The following ASAP1 variants were observed in gnomAD, a reference collection of about 807,000 sequenced individuals.
ASAP1 encodes arf-GAP with SH3 domain, ANK repeat and PH domain-containing protein 1.
Under a neutral mutation model 145.2 loss-of-function variants are expected in ASAP1, and 43 were observed. That is an observed-to-expected ratio of 0.30 (90% confidence interval 0.23 to 0.38). The LOEUF (loss-of-function observed/expected upper bound fraction) is 0.38. Ranked by LOEUF, ASAP1 falls within the 10% of genes least tolerant of loss-of-function variation. ASAP1 has a pLI of 1.00. For synonymous variants in ASAP1, 546 were observed against 515.5 expected, an observed-to-expected ratio of 1.06 and a Z score of -0.80; for missense variants, 1,018 against 1,355.3, an observed-to-expected ratio of 0.75 and a Z score of 3.91.
At position 130,118,247 on chromosome 8, in the gene ASAP1, C is replaced by T; in HGVS notation, c.1795-1G>A. On this transcript the variant is annotated splice_acceptor_variant, in intron 19 of 29. Transcript: ENST00000518721. LOFTEE classifies it high-confidence loss of function. The stretch of plus-strand genomic sequence containing the variant: ...GGTGAAGGGCTGTCTCCCCAAGCTC[C>T]TAAAAAGGGAAAGAAAAGTATAAGT... 6.2e-7 allele frequency: 1 copy of T among 1,613,432 alleles called. No homozygotes were observed. Among genetic ancestry groups the T allele is most frequent in the Non-Finnish European group, 8.5e-7 (1 of 1,179,668 alleles).
At chr8:130,135,088 A>G (rs2135803529) in intron 14 of ASAP1, among the ~76,000 whole-genome samples, 1 of 152,312 alleles carries the variant, frequency 6.6e-6, no homozygotes, top group South Asian at 2.1e-4. Flanking sequence ...GCTCTTTCTC[A>G]ATATATTCAG....
chr8:130,281,290 C>G (rs930552724), intron 3 of ASAP1, among the ~76,000 whole-genome samples: 3 of 152,180 alleles, frequency 2.0e-5, no homozygotes, highest in African/African-American at 7.2e-5. Flanking sequence ...AACAATGTTT[C>G]CCTATCACTT....
chr8:130,098,189 G>GC (rs2135469831), intron 24 of ASAP1, among the ~76,000 whole-genome samples: 1 of 152,304 alleles, frequency 6.6e-6, no homozygotes, highest in Non-Finnish European at 1.5e-5. Flanking sequence ...CAAATGAGCA[G>GC]CTACGTCCAG....
intron 2 of ASAP1, among the ~76,000 whole-genome samples, chr8:130,382,273 G>A (rs1156621443): frequency 5.8e-5 from 7 of 120,472 alleles, no homozygotes; most frequent in South Asian, 2.8e-4. Flanking sequence ...GTGACAGAGC[G>A]AGATTCTGTC....
rs1586429310 is a variant in ASAP1, at chr8:130,143,453, C to T, written c.1081-6415G>A. Among the ~76,000 whole-genome samples, 4 of 148,646 alleles carry T rather than the reference C, an allele frequency of 2.7e-5. No homozygotes were observed. The South Asian group carries it at 8.6e-4, about 32-fold the overall frequency. On this transcript the variant is annotated intron_variant, in intron 13 of 29. Transcript: ENST00000518721. ...CATATGTTGGTTCAACTTGTATATA[C>T]TATTTTGTAAACTGTTTTTCCCAAT...
At chr8:130,277,862 G>C (rs1821007416) in intron 3 of ASAP1, among the ~76,000 whole-genome samples, 1 of 152,182 alleles carries the variant, frequency 6.6e-6, no homozygotes, top group African/African-American at 2.4e-5. Context: ...GGACGTAGCA[G>C]GACAGTTTTC....
intron 3 of ASAP1, among the ~76,000 whole-genome samples, chr8:130,341,865 G>T (rs775014050): frequency 6.6e-6 from 1 of 152,130 alleles, no homozygotes. Context: ...AGCAAGAAAC[G>T]AGAGTCAAAC....
At chr8:130,211,423 A>C (rs1816573332) in intron 5 of ASAP1, among the ~76,000 whole-genome samples, 1 of 152,246 alleles carries the variant, frequency 6.6e-6, no homozygotes, top group African/African-American at 2.4e-5. Flanking sequence ...CAGACAGTTC[A>C]GAAAAAGGAA....
intron 1 of ASAP1, among the ~76,000 whole-genome samples, chr8:130,413,250 G>A (rs1273116665): frequency 2.0e-5 from 3 of 152,148 alleles, no homozygotes; most frequent in Non-Finnish European, 4.4e-5. Context: ...TTCCCTTCTA[G>A]TTTTAGAACT....
At chr8:130,333,348 T>G (rs914194610) in intron 3 of ASAP1, among the ~76,000 whole-genome samples, 3 of 152,180 alleles carry the variant, frequency 2.0e-5, no homozygotes, top group Admixed American at 6.5e-5. Flanking sequence ...ACGCCTGTCA[T>G]CCCAGCACTT....
At chr8:130,135,704 C>T (rs751209699) in intron 14 of ASAP1, among the ~76,000 whole-genome samples, 2 of 152,146 alleles carry the variant, frequency 1.3e-5, no homozygotes, top group African/African-American at 2.4e-5. Flanking sequence ...TATAAGGCAC[C>T]TGGCATGTAA....
At chr8:130,321,313 C>A in intron 3 of ASAP1, among the ~76,000 whole-genome samples, 1 of 152,062 alleles carries the variant, frequency 6.6e-6, no homozygotes, top group Non-Finnish European at 1.5e-5. Flanking sequence ...CAACTGATTT[C>A]AAATTCGGCT....
At chr8:130,117,723 C>T (rs78834430) in intron 20 of ASAP1, among the ~76,000 whole-genome samples, 2,449 of 152,310 alleles carry the variant, frequency 0.016, 19 homozygotes, top group Middle Eastern at 0.054. Context: ...TGAAAACTCA[C>T]AAATATGGTT....
intron 11 of ASAP1, among the ~76,000 whole-genome samples, chr8:130,164,865 A>G (rs961227128): frequency 6.6e-6 from 1 of 152,212 alleles, no homozygotes; most frequent in Non-Finnish European, 1.5e-5. Context: ...TTCCTCAGTT[A>G]ATCTTTAAGA....
chr8:130,284,435 T>C (rs1395148704), intron 3 of ASAP1, among the ~76,000 whole-genome samples: 3 of 152,116 alleles, frequency 2.0e-5, no homozygotes, highest in East Asian at 1.9e-4. Context: ...AGTCAAATTG[T>C]AGTAACTCAA....
At chr8:130,357,975 G>A (rs1826440895) in intron 3 of ASAP1, 42 bp downstream of exon 3, 2 of 1,571,870 alleles carry the variant, frequency 1.3e-6, no homozygotes, top group Admixed American at 1.8e-5. Context: ...CTGCGCGGCG[G>A]CAGCGGCGAG....
chr8:130,077,537 CTTTTTTT>C (rs58327713), intron 26 of ASAP1, among the ~76,000 whole-genome samples: 22 of 62,024 alleles, frequency 3.5e-4, no homozygotes, highest in African/African-American at 9.7e-4. Flanking sequence ...GCTGCTGCTG[CTTTTTTT>C]TTTTTTTTTT....
intron 3 of ASAP1, among the ~76,000 whole-genome samples, chr8:130,342,022 C>A (rs932968077): frequency 6.6e-6 from 1 of 152,100 alleles, no homozygotes; most frequent in African/African-American, 2.4e-5. Context: ...CCTCATCAGG[C>A]ATTTATACCT....
At chr8:130,408,413 G>C (rs1244282187) in intron 1 of ASAP1, among the ~76,000 whole-genome samples, 1 of 152,128 alleles carries the variant, frequency 6.6e-6, no homozygotes, top group Non-Finnish European at 1.5e-5. Flanking sequence ...CTCTGCTTGA[G>C]CTGGGACATG....
Sources: gnomAD v4.1 joint callset for allele counts (sites outside exome capture counted in the v4.1 genomes callset) on GRCh38, gnomAD v4.1.1 for gene constraint, MANE v1.5 for transcripts, NCBI Gene and HGNC (gene_info 2026-07-23, HGNC 2026-07-21) for gene names.